Variants in ZNF527 observed in about 807,000 individuals in gnomAD.
ZNF527 encodes zinc finger protein 527.
A neutral mutation model predicts 13.5 loss-of-function variants in ZNF527; 5 were observed. That is an observed-to-expected ratio of 0.37 (90% CI 0.19 to 0.78). The LOEUF (loss-of-function observed/expected upper bound fraction) is 0.78, where lower values mean the gene tolerates loss of function less well. ZNF527 is among the 30% of genes least tolerant of loss of function. ZNF527 has a pLI of 0.48. For missense variants in ZNF527, 628 were observed against 726.4 expected (o/e 0.86, Z 1.56); for synonymous variants, 209 against 243.1 (o/e 0.86, Z 1.30).
chr19:37,381,975 A>G (rs1390774305), intron 4 of ZNF527, among the ~76,000 whole-genome samples: 1 of 152,160 alleles, frequency 6.6e-6, no homozygotes, highest in Non-Finnish European at 1.5e-5. Context: ...TATGAAGTAA[A>G]TCCAATGAAT....
rs150226535 is a variant in ZNF527 at position 37,378,631 on chromosome 19, A to G, written c.34-489A>G. Among the ~76,000 whole-genome samples the G allele has an allele frequency of 6.3e-3, 959 of 152,294 alleles. 25 individuals carry two copies. Among genetic ancestry groups the G allele is most frequent in the East Asian group, 0.053 (272 of 5,178 alleles). Reference sequence around the variant, plus strand: ...TTCCAGATTTTTTGCATAACCTTCCAATGAAAATTCTATCTAAGTTGCTTC... The same window carrying G: ...TTCCAGATTTTTTGCATAACCTTCCGATGAAAATTCTATCTAAGTTGCTTC... On this transcript the variant is annotated intron_variant, in intron 2 of 4. Coordinates refer to ENST00000436120, the MANE Select transcript of ZNF527 (RefSeq NM_032453.2).
Position 37,381,423 on chromosome 19 carries a change from G to A in ZNF527, c.256+1051G>A, listed in dbSNP as rs897685274. Among the ~76,000 whole-genome samples, 5 of 152,204 alleles carry A rather than the reference G, an allele frequency of 3.3e-5. No individual in the cohort carries two copies. In the South Asian group the frequency reaches 1.0e-3, roughly 32 times the overall value. ...GCATGCACTCAATTTGGATCTATCT[G>A]ATTTATCTGATATTTTCTCATAATT... On this transcript the variant is annotated intron_variant, in intron 4 of 4. Coordinates refer to ENST00000436120, the MANE Select transcript of ZNF527 (RefSeq NM_032453.2).
chr19:37,377,966 T>C (rs919593102), intron 2 of ZNF527, among the ~76,000 whole-genome samples: 2 of 152,206 alleles, frequency 1.3e-5, no homozygotes, highest in Admixed American at 6.5e-5. Flanking sequence ...GTGTAAATTT[T>C]TCCCTAGACA....
chr19:37,390,623 C>T lies in ZNF527; in HGVS notation c.*744C>T, dbSNP rs2040744633. 6.6e-6 allele frequency: 1 copy of T among 152,058 alleles called. No individual in the cohort carries two copies. Among genetic ancestry groups the T allele is most frequent in the African/African-American group, 2.4e-5 (1 of 41,382 alleles). 9.4% of individuals were successfully genotyped at this position (152,058 alleles called of 1,614,324 possible). A position where few individuals can be genotyped will look rare whatever the true frequency, so the allele number is the denominator to read the frequency against. Reference sequence around the variant, plus strand: ...TTGCCACTCATGAGGAAAGCTTTCCCAAAGAGAAATCTAACAGAGGAAAAT... The same window carrying T: ...TTGCCACTCATGAGGAAAGCTTTCCTAAAGAGAAATCTAACAGAGGAAAAT... On this transcript the variant is annotated 3_prime_UTR_variant, in exon 5 of 5. Coordinates refer to ENST00000436120, the MANE Select transcript of ZNF527 (RefSeq NM_032453.2).
chr19:37,385,018 G>GTC (rs1342947227), intron 4 of ZNF527: 1 of 697,402 alleles, frequency 1.4e-6, no homozygotes, highest in Non-Finnish European at 2.6e-6. Context: ...TAGAGACGAG[G>GTC]TCTCACTGTG....
At chr19:37,378,607 T>C (rs949641911) in intron 2 of ZNF527, among the ~76,000 whole-genome samples, 1 of 152,212 alleles carries the variant, frequency 6.6e-6, no homozygotes, top group African/African-American at 2.4e-5. Flanking sequence ...GTAAGTTTTT[T>C]CCAGATTTTT....
intron 3 of ZNF527, 32 bp from the exon 4 acceptor site, chr19:37,380,245 T>C (rs769242852): frequency 5.6e-6 from 9 of 1,612,466 alleles, no homozygotes; most frequent in Non-Finnish European, 7.6e-6. Context: ...TCTTTCTGTC[T>C]CTTGCTCTCA....
intron 3 of ZNF527, 127 bp from the exon 4 acceptor site, chr19:37,380,150 C>T: frequency 6.9e-7 from 1 of 1,443,814 alleles, no homozygotes; most frequent in Non-Finnish European, 9.1e-7. Context: ...CTAGCTCTTC[C>T]TCTAATGTCC....
At position 37,384,986 on chromosome 19, in the gene ZNF527, A is replaced by T. The variant is rs771161443; in HGVS notation, c.257-3320A>T. 7.1e-6 allele frequency: 5 copies of T among 701,358 alleles called. No homozygotes were observed. In the South Asian group the frequency reaches 7.4e-5, roughly 10 times the overall value. The allele number at this position is 701,358 out of a possible 1,614,324, so 43.4% of individuals were successfully genotyped here. On this transcript the variant is annotated intron_variant, in intron 4 of 4. Coordinates refer to ENST00000436120, the MANE Select transcript of ZNF527 (RefSeq NM_032453.2). ...GCATGCACACCACTGCACCTGGTTAATTTTTTTGTTTATTTTTCTTGTAGA... is the reference window on the plus strand; with the variant it reads ...GCATGCACACCACTGCACCTGGTTATTTTTTTTGTTTATTTTTCTTGTAGA...
intron 4 of ZNF527, among the ~76,000 whole-genome samples, chr19:37,386,121 TTTCTTTTCTC>T (rs796458295): frequency 3.7e-4 from 55 of 148,038 alleles, no homozygotes; most frequent in East Asian, 2.0e-3. Context: ...GTAGTAGAAC[TTTCTTTTCTC>T]TTCTTTTCCT....
chr19:37,374,209 G>A lies in ZNF527; in HGVS notation c.11G>A (p.Gly4Glu). The A allele has an allele frequency of 6.2e-7, 1 of 1,613,930 alleles. No homozygotes were observed. The highest frequency in any genetic ancestry group is 8.5e-7 in the Non-Finnish European group (1 of 1,179,964). MAV[G>E]LCKAMSQGLV... ...ACTGAAGAAGGAGGAATGGCTGTGGGGCTTTGTAAAGCCATGTCCCAGGTA... is the reference window on the plus strand; with the variant it reads ...ACTGAAGAAGGAGGAATGGCTGTGGAGCTTTGTAAAGCCATGTCCCAGGTA... Residue 4 changes from glycine to glutamate, a missense_variant, in exon 2 of 5, where the codon GGG (glycine) becomes GAG (glutamate). Gly to Glu is a moderately conservative substitution (Grantham distance 98, BLOSUM62 -2). Transcript: ENST00000436120.
At chr19:37,372,421 T>C (rs1030752757) in intron 1 of ZNF527, among the ~76,000 whole-genome samples, 1 of 151,842 alleles carries the variant, frequency 6.6e-6, no homozygotes, top group Non-Finnish European at 1.5e-5. Flanking sequence ...TATACTGAAT[T>C]CTAGGTCAAC....
At chr19:37,371,399 CTGTG>C (rs766894127) in intron 1 of ZNF527, among the ~76,000 whole-genome samples, 173 bp downstream of exon 1, 9 of 151,912 alleles carry the variant, frequency 5.9e-5, no homozygotes, top group East Asian at 3.9e-4. Context: ...TCTTGTGTCA[CTGTG>C]TGTGTGTGTT....
Position 37,388,495 on chromosome 19 carries a change from A to G in ZNF527, c.446A>G (p.Gln149Arg), listed in dbSNP as rs1407731915. The G allele has an allele frequency of 6.2e-7, 1 of 1,614,228 alleles. No individual in the cohort carries two copies. The highest frequency in any genetic ancestry group is 1.7e-5 in the Admixed American group (1 of 60,036). ...HQGNAERHFM[Q>R]VTAVKEISTG... Reference sequence around the variant, plus strand: ...GGAAATGCGGAGAGGCATTTCATGCAAGTGACAGCTGTTAAGGAAATCTCT... The same window carrying G: ...GGAAATGCGGAGAGGCATTTCATGCGAGTGACAGCTGTTAAGGAAATCTCT... The change falls in exon 5 of 5, where the codon CAA (glutamine) becomes CGA (arginine). Residue 149 changes from glutamine to arginine, a missense_variant. Gln to Arg is a conservative substitution (Grantham distance 43). Transcript: ENST00000436120.
chr19:37,390,659 G>A lies in ZNF527; in HGVS notation c.*780G>A, dbSNP rs1262711880. 1 of 152,162 alleles carries A rather than the reference G, an allele frequency of 6.6e-6. No homozygotes were observed. Among genetic ancestry groups the A allele is most frequent in the Non-Finnish European group, 1.5e-5 (1 of 68,036 alleles). 9.4% of individuals were successfully genotyped at this position (152,162 alleles called of 1,614,324 possible). On this transcript the variant is annotated 3_prime_UTR_variant, in exon 5 of 5. Coordinates refer to ENST00000436120, the MANE Select transcript of ZNF527 (RefSeq NM_032453.2). The stretch of plus-strand genomic sequence containing the variant: ...CTAACAGAGGAAAATGGAGATGAGA[G>A]ACAGAAATATGATGATACAGCTTGA...
intron 4 of ZNF527, among the ~76,000 whole-genome samples, chr19:37,381,846 T>C (rs1384516031): frequency 6.6e-6 from 1 of 152,182 alleles, no homozygotes; most frequent in Middle Eastern, 3.2e-3. Context: ...CATTTACTTA[T>C]ATATTCAATT....
chr19:37,384,880 T>C (rs2040685084), intron 4 of ZNF527: 1 of 698,418 alleles, frequency 1.4e-6, no homozygotes, highest in African/African-American at 1.8e-5. Context: ...TCTCACTCTG[T>C]TGCCCAGGCT....
chr19:37,372,085 C>T (rs1054643191), intron 1 of ZNF527, among the ~76,000 whole-genome samples: 34 of 151,558 alleles, frequency 2.2e-4, no homozygotes, highest in Middle Eastern at 3.4e-3. Flanking sequence ...CTGCAACCTC[C>T]GCCTCCCAGG....
At chr19:37,379,336 TCTTAAAA>T (rs1233143800) in intron 3 of ZNF527, 90 bp downstream of exon 3, 10 of 1,308,850 alleles carry the variant, frequency 7.6e-6, no homozygotes, top group Middle Eastern at 2.0e-4. Context: ...TCTTAAGACA[TCTTAAAA>T]GCACTTACTT....
Sources: allele counts gnomAD v4.1 joint callset (sites outside exome capture counted in the v4.1 genomes callset), GRCh38; gene constraint gnomAD v4.1.1; transcripts MANE v1.5; gene names NCBI Gene and HGNC (gene_info 2026-07-23, HGNC 2026-07-21).